KSR2: variants seen among roughly 807,000 people sequenced by gnomAD.
The protein encoded by KSR2 is kinase suppressor of ras 2.
Under a neutral mutation model 107.8 loss-of-function variants are expected in KSR2, and 25 were observed. That is an observed-to-expected ratio of 0.23 (90% CI 0.17 to 0.32). KSR2 has a LOEUF of 0.32. Among genes scored for constraint, KSR2 ranks in the 10% least tolerant of loss-of-function variants. The pLI is 1.00. For missense variants in KSR2, 887 were observed against 1,268.9 expected (o/e 0.70, Z 4.57); for synonymous variants, 480 against 507.0 (o/e 0.95, Z 0.71).
intron 5 of KSR2, among the ~76,000 whole-genome samples, chr12:117,662,137 C>T (rs149562708): frequency 0.012 from 1,800 of 152,236 alleles, 20 homozygotes; most frequent in Non-Finnish European, 0.019. Context: ...TTTGGGGGAA[C>T]GAAGTCCTTT....
chr12:117,659,943 G>A (rs1304527741), intron 5 of KSR2, among the ~76,000 whole-genome samples: 2 of 152,206 alleles, frequency 1.3e-5, no homozygotes, highest in South Asian at 4.1e-4. Flanking sequence ...GCACAGTGCT[G>A]GGCCCACATC....
At chr12:117,941,922 C>T (rs1036257643) in intron 1 of KSR2, among the ~76,000 whole-genome samples, 2 of 151,276 alleles carry the variant, frequency 1.3e-5, no homozygotes, top group Non-Finnish European at 2.9e-5. Context: ...GGATTACAGG[C>T]GTGAGCCACT....
Position 117,476,519 on chromosome 12 carries a change from C to G in KSR2, c.2527G>C (p.Asp843His), listed in dbSNP as rs368010274. The G allele has an allele frequency of 3.1e-6, 5 of 1,608,708 alleles. No homozygotes were observed. The highest frequency in any genetic ancestry group is 4.2e-6 in the Non-Finnish European group (5 of 1,177,828). The stretch of plus-strand genomic sequence containing the variant: ...AAGGGGAGCTTATCCTCCTCTGTGT[C>G]GGGGGACAGCTGGCGGATGATCTCT... ...APEIIRQLSP[D>H]TEEDKLPFSK... The change falls in exon 17 of 20, where the codon GAC becomes CAC. Residue 843 changes from aspartate to histidine, a missense_variant. Physicochemically the swap from Asp to His is moderately conservative, Grantham distance 81 (BLOSUM62 -1). Coordinates refer to ENST00000339824, the MANE Select transcript of KSR2 (RefSeq NM_173598.6).
At chr12:117,524,457 G>C (rs1008904816) in intron 14 of KSR2, among the ~76,000 whole-genome samples, 1 of 152,120 alleles carries the variant, frequency 6.6e-6, no homozygotes, top group African/African-American at 2.4e-5. Context: ...CTTGAGGCCA[G>C]GAGTTTGAGA....
chr12:117,696,306 AC>A (rs1886057641), intron 4 of KSR2, among the ~76,000 whole-genome samples: 1 of 152,166 alleles, frequency 6.6e-6, no homozygotes, highest in East Asian at 1.9e-4. Context: ...TGGACGGTGA[AC>A]CCCAAAAGGG....
In KSR2 at chr12:117,539,882, G is replaced by A. The variant is rs1876353833; in HGVS notation, c.1524C>T (p.His508=). 5.0e-6 allele frequency: 8 copies of A among 1,608,642 alleles called. No individual in the cohort carries two copies. The highest frequency in any genetic ancestry group is 6.8e-6 in the Non-Finnish European group (8 of 1,177,956). Residue 508 remains histidine (H), a synonymous_variant, in exon 10 of 20, where the codon CAC becomes CAT. Transcript: ENST00000339824. ...AGTCTGGCTGGTAAGGGACAGGGAT[G>A]TGGTCCTGCAGAGAGAAAACAGGGT... is the stretch of plus-strand genomic sequence containing the variant. ...LPKTNKINKD[H]IPVPYQPDSS... is the part of the protein sequence containing the mutation.
chr12:117,821,286 A>G (rs1434488274), intron 3 of KSR2, among the ~76,000 whole-genome samples: 2 of 152,118 alleles, frequency 1.3e-5, no homozygotes, highest in East Asian at 3.8e-4. Flanking sequence ...GGGTCTACTT[A>G]TATGTGGATT....
In KSR2 at chr12:117,645,880, T is replaced by C. The variant is rs73211966; in HGVS notation, c.1171+21594A>G. Reference sequence around the variant, plus strand: ...GCATGTGTATGTGCGTGTGTGTGTGTGTGTGTGTGTGTGTGTGTGTGTGTG... The same window carrying C: ...GCATGTGTATGTGCGTGTGTGTGTGCGTGTGTGTGTGTGTGTGTGTGTGTG... On this transcript the variant is annotated intron_variant, in intron 5 of 19. Coordinates refer to ENST00000339824, the MANE Select transcript of KSR2 (RefSeq NM_173598.6). Among the ~76,000 whole-genome samples, 25 of 131,978 alleles carry C rather than the reference T, an allele frequency of 1.9e-4. 1 individual carries two copies. The highest frequency in any genetic ancestry group is 7.8e-4 in the East Asian group (3 of 3,862). The allele number at this position is 131,978 out of a possible 152,430, so 86.6% of individuals were successfully genotyped here.
intron 7 of KSR2, among the ~76,000 whole-genome samples, chr12:117,577,532 A>G (rs1481171303): frequency 6.6e-6 from 1 of 152,188 alleles, no homozygotes; most frequent in Non-Finnish European, 1.5e-5. Flanking sequence ...TGCTGCTGAT[A>G]AAGACATACC....
At chr12:117,887,985 C>T (rs952497338) in intron 1 of KSR2, among the ~76,000 whole-genome samples, 6 of 152,118 alleles carry the variant, frequency 3.9e-5, no homozygotes, top group Admixed American at 2.0e-4. Context: ...AAGAACAAAA[C>T]TGGATTCAGG....
chr12:117,929,859 G>A (rs1347232542), intron 1 of KSR2, among the ~76,000 whole-genome samples: 1 of 152,122 alleles, frequency 6.6e-6, no homozygotes, highest in Non-Finnish European at 1.5e-5. Flanking sequence ...GCAGGAGGGA[G>A]GGGAAATGGA....
At chr12:117,506,988 A>G (rs1303285501) in intron 14 of KSR2, among the ~76,000 whole-genome samples, 2 of 152,188 alleles carry the variant, frequency 1.3e-5, no homozygotes, top group African/African-American at 4.8e-5. Context: ...GGTAATTCGA[A>G]TGTTCACCCA....
At chr12:117,597,868 G>A (rs375359931) in intron 5 of KSR2, among the ~76,000 whole-genome samples, 1 of 152,156 alleles carries the variant, frequency 6.6e-6, no homozygotes, top group East Asian at 1.9e-4. Flanking sequence ...CATGCCTGGT[G>A]TTCTATGTCC....
At chr12:117,711,795 C>T (rs890399678) in intron 4 of KSR2, among the ~76,000 whole-genome samples, 1 of 152,186 alleles carries the variant, frequency 6.6e-6, no homozygotes, top group Middle Eastern at 3.2e-3. Flanking sequence ...TAGCTCTCTG[C>T]TATAATATAC....
chr12:117,798,571 T>G (rs1231677870), intron 3 of KSR2, among the ~76,000 whole-genome samples: 1 of 151,952 alleles, frequency 6.6e-6, no homozygotes, highest in Non-Finnish European at 1.5e-5. Context: ...AGGTGGAGGT[T>G]GCAGTAGGCT....
At chr12:117,933,777 C>T (rs1176185203) in intron 1 of KSR2, among the ~76,000 whole-genome samples, 1 of 152,162 alleles carries the variant, frequency 6.6e-6, no homozygotes, top group African/African-American at 2.4e-5. Context: ...TCTTCTTACC[C>T]TTGATCCTCC....
chr12:117,693,518 A>G (rs1303752160), intron 4 of KSR2, among the ~76,000 whole-genome samples: 1 of 152,200 alleles, frequency 6.6e-6, no homozygotes, highest in African/African-American at 2.4e-5. Context: ...TGGCTGCTTC[A>G]AAAGACCACC....
chr12:117,542,817 T>C (rs1876600931), intron 9 of KSR2, among the ~76,000 whole-genome samples: 1 of 152,226 alleles, frequency 6.6e-6, no homozygotes, highest in Non-Finnish European at 1.5e-5. Context: ...TATAATTTTA[T>C]CATTTCACTG....
chr12:117,783,414 T>C (rs914075446), intron 3 of KSR2, among the ~76,000 whole-genome samples: 6 of 152,194 alleles, frequency 3.9e-5, no homozygotes, highest in Non-Finnish European at 5.9e-5. Context: ...TATCAGAGCC[T>C]CTGTTTCCTC....
Sources: gnomAD v4.1 joint callset for allele counts (sites outside exome capture counted in the v4.1 genomes callset) on GRCh38, gnomAD v4.1.1 for gene constraint, MANE v1.5 for transcripts, NCBI Gene and HGNC (gene_info 2026-07-23, HGNC 2026-07-21) for gene names.